Variants in FASTKD2 observed in about 807,000 individuals in gnomAD.
The protein encoded by FASTKD2 is FAST kinase domains 2, also known as FAST kinase domain-containing protein 2, mitochondrial.
In FASTKD2, 51 loss-of-function variants were observed where a neutral mutation model predicts 63.6. The observed-to-expected ratio is 0.80, with a 90% CI of 0.64 to 1.01. The LOEUF is 1.01. FASTKD2 is among the 50% of genes least tolerant of loss of function. FASTKD2 has a pLI of 0.00. For synonymous variants in FASTKD2, 284 were observed against 293.4 expected, an observed-to-expected ratio of 0.97 and a Z score of 0.33; for missense variants, 786 against 831.1, an observed-to-expected ratio of 0.95 and a Z score of 0.67.
intron 7 of FASTKD2, among the ~76,000 whole-genome samples, chr2:206,775,565 TTTTG>T (rs907559008): frequency 6.0e-4 from 88 of 147,616 alleles, no homozygotes; most frequent in African/African-American, 2.2e-3. Flanking sequence ...GCTGTAGTTT[TTTTG>T]TTTGTTTTTT....
At chr2:206,788,776 T>G in intron 9 of FASTKD2, 43 bp from the exon 10 acceptor site, 1 of 956,634 alleles carries the variant, frequency 1.0e-6, no homozygotes, top group Non-Finnish European at 1.7e-6. Context: ...GAAAGTCACT[T>G]GGAGGAATGT....
At chr2:206,789,110 C>A in intron 10 of FASTKD2, 1 of 549,348 alleles carries the variant, frequency 1.8e-6, no homozygotes, top group Non-Finnish European at 3.2e-6. Context: ...CAGTATTGGT[C>A]ATTTAATGAG....
At chr2:206,769,210 T>G (rs1007176156) in intron 2 of FASTKD2, among the ~76,000 whole-genome samples, 1 of 152,232 alleles carries the variant, frequency 6.6e-6, no homozygotes, top group Non-Finnish European at 1.5e-5. Context: ...ATAGTAGATA[T>G]GGATGGAATG....
chr2:206,777,716 A>G (rs1689859674), intron 7 of FASTKD2, among the ~76,000 whole-genome samples: 1 of 152,206 alleles, frequency 6.6e-6, no homozygotes, highest in Non-Finnish European at 1.5e-5. Flanking sequence ...TAAGCACATT[A>G]GAAGTATTGT....
intron 8 of FASTKD2, among the ~76,000 whole-genome samples, chr2:206,787,712 T>C (rs2105986774): frequency 6.6e-6 from 1 of 152,260 alleles, no homozygotes; most frequent in East Asian, 1.9e-4. Flanking sequence ...TCTAAAGATA[T>C]TTGAAGCCTT....
At position 206,795,641 on chromosome 2, in the gene FASTKD2, T is replaced by C. The variant is rs1231035852; in HGVS notation, c.*3839T>C. On this transcript the variant is annotated 3_prime_UTR_variant, in exon 12 of 12. Coordinates refer to ENST00000402774, the MANE Select transcript of FASTKD2 (RefSeq NM_001136193.2). ...GAAGCCTACATTTCCCAGAGCCCCT[T>C]TCAGCTTGAATTCCAAATGTGACTT... is the stretch of plus-strand genomic sequence containing the variant. 6.6e-6 allele frequency among the ~76,000 whole-genome samples: 1 copy of C among 152,162 alleles called. No homozygotes were observed. The highest frequency in any genetic ancestry group is 1.5e-5 in the Non-Finnish European group (1 of 68,032).
In FASTKD2 at chr2:206,772,010, G is replaced by C; in HGVS notation, c.1107G>C (p.Val369=). 6.2e-7 allele frequency: 1 copy of C among 1,613,764 alleles called. No homozygotes were observed. Residue 369 remains valine, a synonymous_variant, in exon 5 of 12, where the codon GTG becomes GTC. Coordinates refer to ENST00000402774, the MANE Select transcript of FASTKD2 (RefSeq NM_001136193.2). ...TACTCCTGGATGAATGCAGTAAGGT[G>C]GTCCTAGGTAAGAGGAATTTTTCTT... ...SLILLDECSK[V]VLDNIHGCPL...
intron 7 of FASTKD2, among the ~76,000 whole-genome samples, chr2:206,785,225 A>G (rs1690109497): frequency 6.6e-6 from 1 of 152,224 alleles, no homozygotes; most frequent in Non-Finnish European, 1.5e-5. Flanking sequence ...GGTCCCTCAC[A>G]ACACAAGGGA....
chr2:206,766,079 G>A (rs1466974643), intron 1 of FASTKD2, among the ~76,000 whole-genome samples: 2 of 151,784 alleles, frequency 1.3e-5, no homozygotes, highest in East Asian at 3.9e-4. Flanking sequence ...GGCCAACATG[G>A]TGAAACTCCG....
chr2:206,788,731 CAAAAAAA>C, intron 9 of FASTKD2, 81 bp from the exon 10 acceptor site: 2 of 566,868 alleles, frequency 3.5e-6, no homozygotes, highest in Admixed American at 6.3e-5. Flanking sequence ...GACCACATCT[CAAAAAAA>C]AAAAAAAAAA....
chr2:206,771,725 A>G (rs1182020928), intron 4 of FASTKD2, among the ~76,000 whole-genome samples, 169 bp from the exon 5 acceptor site: 1 of 151,108 alleles, frequency 6.6e-6, no homozygotes, highest in Non-Finnish European at 1.5e-5. Flanking sequence ...TAGGTGGTGC[A>G]TGCCTGTAAT....
Position 206,765,632 on chromosome 2 carries a change from T to C in FASTKD2, c.-166T>C. ...AAGCTGTCATGGCTGCTCCTGTACGTAGTCACGGTCTTGTGCTCTAAGGTG... is the reference window on the plus strand; with the variant it reads ...AAGCTGTCATGGCTGCTCCTGTACGCAGTCACGGTCTTGTGCTCTAAGGTG... On this transcript the variant is annotated 5_prime_UTR_variant, in exon 1 of 12. Coordinates refer to ENST00000402774, the MANE Select transcript of FASTKD2 (RefSeq NM_001136193.2). The C allele has an allele frequency of 1.4e-6, 1 of 707,770 alleles. No homozygotes were observed. Among genetic ancestry groups the C allele is most frequent in the Non-Finnish European group, 1.8e-6 (1 of 562,020 alleles). 43.8% of individuals were successfully genotyped at this position (707,770 alleles called of 1,614,324 possible). A position where few individuals can be genotyped will look rare whatever the true frequency, so the allele number is the denominator to read the frequency against.
At chr2:206,786,944 G>T in intron 8 of FASTKD2, 45 bp downstream of exon 8, 1 of 794,694 alleles carries the variant, frequency 1.3e-6, no homozygotes, top group Non-Finnish European at 2.0e-6. Flanking sequence ...GACCAATTCT[G>T]CACTACCACT....
intron 7 of FASTKD2, among the ~76,000 whole-genome samples, chr2:206,781,794 T>C (rs956016436): frequency 1.3e-4 from 20 of 151,998 alleles, no homozygotes; most frequent in African/African-American, 4.8e-4. Flanking sequence ...AGAGAAGCCT[T>C]GAGTTGTGCT....
At position 206,771,965 on chromosome 2, in the gene FASTKD2, C is replaced by G. The variant is rs1159782354; in HGVS notation, c.1062C>G (p.Ala354=). The change falls in exon 5 of 12, where the codon GCC becomes GCG. Residue 354 remains alanine, a synonymous_variant. Transcript: ENST00000402774. ...AACACATGTTTGAAGTACTAGCTGCCATGAATCACCGATCTCTTATACTCC... is the reference window on the plus strand; with the variant it reads ...AACACATGTTTGAAGTACTAGCTGCGATGAATCACCGATCTCTTATACTCC... ...NSQHMFEVLA[A]MNHRSLILLD... The G allele has an allele frequency of 1.2e-6, 2 of 1,612,702 alleles. No homozygotes were observed. Among genetic ancestry groups the G allele is most frequent in the South Asian group, 2.2e-5 (2 of 91,044 alleles).
chr2:206,775,158 AG>A (rs900698238), intron 7 of FASTKD2, among the ~76,000 whole-genome samples: 3 of 152,028 alleles, frequency 2.0e-5, no homozygotes, highest in African/African-American at 7.2e-5. Context: ...ATGGATGTTT[AG>A]GTTGTTTCCC....
intron 7 of FASTKD2, among the ~76,000 whole-genome samples, chr2:206,775,139 C>T (rs1018679645): frequency 2.6e-5 from 4 of 152,000 alleles, no homozygotes; most frequent in African/African-American, 9.7e-5. Context: ...TTTATCCATT[C>T]ATCTGCTGAT....
chr2:206,766,524 T>C (rs940713884), intron 1 of FASTKD2, 120 bp from the exon 2 acceptor site: 79 of 636,934 alleles, frequency 1.2e-4, no homozygotes, highest in Non-Finnish European at 2.0e-4. Flanking sequence ...TTTACTGTTT[T>C]ATGTAAATGT....
chr2:206,775,811 T>C (rs1689809698), intron 7 of FASTKD2, among the ~76,000 whole-genome samples: 1 of 151,966 alleles, frequency 6.6e-6, no homozygotes, highest in Non-Finnish European at 1.5e-5. Context: ...CTTCATACTG[T>C]TTTCCATGCA....
Sources: gnomAD v4.1 joint callset for allele counts (sites outside exome capture counted in the v4.1 genomes callset) on GRCh38, gnomAD v4.1.1 for gene constraint, MANE v1.5 for transcripts, NCBI Gene and HGNC (gene_info 2026-07-23, HGNC 2026-07-21) for gene names.